Variants in SMYD2 observed in about 807,000 individuals in gnomAD.
SMYD2 encodes N-lysine methyltransferase SMYD2.
Under a neutral mutation model 59.1 loss-of-function variants are expected in SMYD2, and 53 were observed. That is an observed-to-expected ratio of 0.90 (90% confidence interval 0.72 to 1.13). The LOEUF is 1.13. Among genes scored for constraint, SMYD2 ranks in the 50% most tolerant of loss-of-function variants. SMYD2 has a pLI of 0.00. For synonymous variants in SMYD2, 208 were observed against 198.8 expected (o/e 1.05, Z -0.39); for missense variants, 494 against 544.7 (o/e 0.91, Z 0.93).
At chr1:214,294,529 G>A (rs2885209) in intron 1 of SMYD2, among the ~76,000 whole-genome samples, 19,174 of 152,200 alleles carry the variant, frequency 0.13, 1,513 homozygotes, top group East Asian at 0.28. Context: ...TTAGCTGGGC[G>A]TGGTGGTTCA....
chr1:214,293,980 A>AT lies in SMYD2; in HGVS notation c.174-11194dup, dbSNP rs77613213. Among the ~76,000 whole-genome samples the AT allele has an allele frequency of 9.3e-3, 1,339 of 144,218 alleles. 30 individuals carry two copies. Among genetic ancestry groups the AT allele is most frequent in the Non-Finnish European group, 6.3e-3 (409 of 65,416 alleles). The allele number at this position is 144,218 out of a possible 152,430, so 94.6% of individuals were successfully genotyped here. ...CATGAGCCACCGTGCCCAGCCACTC[A>AT]TTTTTTTTTTTTTAACAAAAATATT... On this transcript the variant is annotated intron_variant, in intron 1 of 11. Coordinates refer to ENST00000366957, the MANE Select transcript of SMYD2 (RefSeq NM_020197.3).
chr1:214,284,830 C>T (rs998787952), intron 1 of SMYD2, among the ~76,000 whole-genome samples: 2 of 152,136 alleles, frequency 1.3e-5, no homozygotes, highest in Non-Finnish European at 2.9e-5. Context: ...CATATTTTAA[C>T]CCCCAATGTG....
rs566763755 is a variant in SMYD2 at position 214,328,718 on chromosome 1, A to G, written c.705+994A>G. Reference sequence around the variant, plus strand: ...TGCTTTCTCTGGAAGGCACTCACTAATCCACAGCTGCACTGGGAGCTGAAG... The same window carrying G: ...TGCTTTCTCTGGAAGGCACTCACTAGTCCACAGCTGCACTGGGAGCTGAAG... On this transcript the variant is annotated intron_variant, in intron 7 of 11. Transcript: ENST00000366957. Among the ~76,000 whole-genome samples, 145 of 152,340 alleles carry G rather than the reference A, an allele frequency of 9.5e-4. 1 individual carries two copies. Among genetic ancestry groups the G allele is most frequent in the Middle Eastern group, 6.8e-3 (2 of 294 alleles).
intron 2 of SMYD2, 56 bp from the exon 3 acceptor site, chr1:214,314,706 C>A: frequency 7.3e-7 from 1 of 1,360,880 alleles, no homozygotes; most frequent in Non-Finnish European, 1.0e-6. Context: ...TCTCCTCTCA[C>A]ACTTTATTCC....
Position 214,330,829 on chromosome 1 carries a change from T to C in SMYD2, c.817-121T>C, listed in dbSNP as rs1558058222. On this transcript the variant is annotated intron_variant, in intron 8 of 11. Coordinates refer to ENST00000366957, the MANE Select transcript of SMYD2 (RefSeq NM_020197.3). ...ATTGCCTGATTTCCTTTCATTCTTTTGTAACCTTGGAATGGGCCAGTGTCG... is the reference window on the plus strand; with the variant it reads ...ATTGCCTGATTTCCTTTCATTCTTTCGTAACCTTGGAATGGGCCAGTGTCG... 7 of 1,441,518 alleles carry C rather than the reference T, an allele frequency of 4.9e-6. No individual in the cohort carries two copies. In the South Asian group the frequency reaches 6.7e-5, roughly 14 times the overall value. 89.3% of individuals were successfully genotyped at this position (1,441,518 alleles called of 1,614,324 possible).
At chr1:214,304,578 A>AAAAAC in intron 1 of SMYD2, among the ~76,000 whole-genome samples, 1 of 151,396 alleles carries the variant, frequency 6.6e-6, no homozygotes, top group Middle Eastern at 3.2e-3. Context: ...AAAAAAAAAA[A>AAAAAC]AAAAGCATCT....
chr1:214,292,514 C>A (rs1369039992), intron 1 of SMYD2, among the ~76,000 whole-genome samples: 1 of 152,150 alleles, frequency 6.6e-6, no homozygotes, highest in Non-Finnish European at 1.5e-5. Context: ...AGGTCTTACT[C>A]ATCTTTGTAA....
intron 6 of SMYD2, among the ~76,000 whole-genome samples, chr1:214,326,804 A>T (rs926494731): frequency 6.6e-5 from 10 of 152,142 alleles, no homozygotes; most frequent in Non-Finnish European, 4.4e-5. Context: ...GAGCAATGAC[A>T]CACATGGCTG....
In SMYD2 at chr1:214,324,667, A is replaced by G. The variant is rs1657233888; in HGVS notation, c.561A>G (p.Glu187=). The G allele has an allele frequency of 6.2e-7, 1 of 1,613,354 alleles. No homozygotes were observed. Among genetic ancestry groups the G allele is most frequent in the Non-Finnish European group, 8.5e-7 (1 of 1,179,746 alleles). ...AQVNCNGFTI[E]DEELSHLGSA... ...TTAACTGTAATGGCTTCACAATTGA[A>G]GATGAAGAACTTTCTCATTTGGGAT... Residue 187 remains glutamate (E), a synonymous_variant, in exon 6 of 12, where the codon GAA becomes GAG. Coordinates refer to ENST00000366957, the MANE Select transcript of SMYD2 (RefSeq NM_020197.3).
chr1:214,316,260 C>T (rs998428260), intron 3 of SMYD2, among the ~76,000 whole-genome samples: 10 of 152,038 alleles, frequency 6.6e-5, no homozygotes, highest in African/African-American at 2.4e-4. Context: ...TGTTTGAATC[C>T]AGGAGTTCGA....
At chr1:214,319,318 C>G (rs1657134533) in intron 5 of SMYD2, among the ~76,000 whole-genome samples, 1 of 152,114 alleles carries the variant, frequency 6.6e-6, no homozygotes, top group Admixed American at 6.5e-5. Context: ...ATTTGAAGTT[C>G]CTACATTAAA....
Position 214,318,943 on chromosome 1 carries a change from G to A in SMYD2, c.494G>A (p.Gly165Glu), listed in dbSNP as rs1134647. ...CATCACTTTTACTCCAAGCATCTCG[G>A]ATTCCCTGACAATGATAGCCTCGTA... ...ALHHFYSKHL[G>E]FPDNDSLVVL... Residue 165 changes from glycine to glutamate, a missense_variant, in exon 5 of 12, where the codon GGA becomes GAA. Physicochemically the swap from Gly to Glu is moderately conservative, Grantham distance 98. Coordinates refer to ENST00000366957, the MANE Select transcript of SMYD2 (RefSeq NM_020197.3). This position sits in a 1 kb window ranked among gnomAD's most constrained non-coding sequence, Gnocchi z 5.4. 0.9 allele frequency: 1,445,341 copies of A among 1,613,858 alleles called. 651,340 individuals are homozygous for A. Among genetic ancestry groups the A allele is most frequent in the African/African-American group, 0.98 (73,699 of 74,984 alleles).
At chr1:214,314,303 G>A (rs1372359090) in intron 2 of SMYD2, among the ~76,000 whole-genome samples, 2 of 152,076 alleles carry the variant, frequency 1.3e-5, no homozygotes, top group African/African-American at 2.4e-5. Flanking sequence ...TTAAAAAGTC[G>A]CCTGTAAAAG....
chr1:214,331,528 G>T, intron 9 of SMYD2: 1 of 179,304 alleles, frequency 5.6e-6, no homozygotes, highest in East Asian at 1.4e-4. Flanking sequence ...CTAGGATTTT[G>T]TCCCAGCTCT....
At chr1:214,336,064 C>A (rs11120299) in intron 11 of SMYD2, among the ~76,000 whole-genome samples, 42,817 of 151,904 alleles carry the variant, frequency 0.28, 6,518 homozygotes, top group Non-Finnish European at 0.34. Context: ...TGAACATAAT[C>A]AAAAAAATTA....
chr1:214,290,419 A>G (rs1361179084), intron 1 of SMYD2, among the ~76,000 whole-genome samples: 1 of 152,198 alleles, frequency 6.6e-6, no homozygotes, highest in Admixed American at 6.5e-5. Flanking sequence ...TATTGTATGT[A>G]TGTTATTAAA....
chr1:214,324,531 A>C, intron 5 of SMYD2, 110 bp from the exon 6 acceptor site: 1 of 956,748 alleles, frequency 1.0e-6, no homozygotes, highest in Non-Finnish European at 1.6e-6. Flanking sequence ...TAAAACCACT[A>C]CACCAAAACA....
intron 1 of SMYD2, among the ~76,000 whole-genome samples, chr1:214,284,104 A>G (rs1287226334): frequency 6.6e-6 from 1 of 152,070 alleles, no homozygotes; most frequent in African/African-American, 2.4e-5. Flanking sequence ...TCTTGCCTGA[A>G]CTGCTAGAAG....
chr1:214,288,696 T>C (rs1334302705), intron 1 of SMYD2, among the ~76,000 whole-genome samples: 1 of 152,252 alleles, frequency 6.6e-6, no homozygotes, highest in East Asian at 1.9e-4. Flanking sequence ...GATATGGACT[T>C]AAACATGTTG....
Sources: allele counts gnomAD v4.1 joint callset (sites outside exome capture counted in the v4.1 genomes callset), GRCh38; gene constraint gnomAD v4.1.1; non-coding constraint Gnocchi (gnomAD v3.1); transcripts MANE v1.5; gene names NCBI Gene and HGNC (gene_info 2026-07-23, HGNC 2026-07-21).